MCF2: variants seen among roughly 807,000 people sequenced by gnomAD.
The protein encoded by MCF2 is proto-oncogene DBL.
Under a neutral mutation model 82.5 loss-of-function variants are expected in MCF2, and 44 were observed. The observed-to-expected ratio is 0.53, with a 90% CI of 0.42 to 0.69. The LOEUF (loss-of-function observed/expected upper bound fraction) is 0.69, where lower values mean the gene tolerates loss of function less well. MCF2 is among the 30% of genes least tolerant of loss of function. The pLI is 0.00. For synonymous variants in MCF2, 217 were observed against 224.9 expected (o/e 0.96, Z 0.32); for missense variants, 623 against 663.1 (o/e 0.94, Z 0.66).
At chrX:139,602,335 G>A (rs1429450413) in intron 16 of MCF2, 71 bp downstream of exon 20, 3 of 845,387 alleles carry the variant, frequency 3.5e-6, no homozygotes, top group Non-Finnish European at 5.2e-6. Context: ...AGTAGAAAAT[G>A]AATTTATAAT....
At chrX:139,623,563 G>A (rs1002997356) in intron 6 of MCF2, among the ~76,000 whole-genome samples, 1 of 111,184 alleles carries the variant, frequency 9.0e-6, no homozygotes, top group African/African-American at 3.3e-5. Context: ...AATAAATGCT[G>A]GAGACTACCA....
chrX:139,611,069 A>T (rs1423805532), intron 10 of MCF2, among the ~76,000 whole-genome samples: 1 of 112,305 alleles, frequency 8.9e-6, no homozygotes, highest in Admixed American at 9.4e-5. Context: ...CAAGGAATCC[A>T]GACGTTCCTA....
upstream of MCF2, chrX:139,645,698 A>G: frequency 1.2e-6 from 1 of 807,682 alleles, no homozygotes; most frequent in Non-Finnish European, 1.8e-6. Context: ...TCTTAATAAT[A>G]ATGCAAATTT....
At chrX:139,663,581 T>G (rs942206579) in intron 1 of MCF2, among the ~76,000 whole-genome samples, 86 of 109,489 alleles carry the variant, frequency 7.9e-4, no homozygotes, top group Admixed American at 1.4e-3. Flanking sequence ...GCTTTGTTTT[T>G]TTTTTTTTTT....
exon 18 of MCF2, chrX:139,597,488 A>C: frequency 1.7e-6 from 2 of 1,200,990 alleles, no homozygotes; most frequent in Non-Finnish European, 2.3e-6. Flanking sequence ...AATCTGATGC[A>C]TAGAATCATT....
At chrX:139,641,654 A>G (rs1457245922) in intron 1 of MCF2, among the ~76,000 whole-genome samples, 2 of 111,454 alleles carry the variant, frequency 1.8e-5, no homozygotes, top group Non-Finnish European at 3.8e-5. Flanking sequence ...ACATTATATT[A>G]ATCTTTGAAA....
intron 1 of MCF2, among the ~76,000 whole-genome samples, chrX:139,670,394 T>C (rs1048420723): frequency 1.8e-5 from 2 of 111,211 alleles, no homozygotes; most frequent in Admixed American, 1.9e-4. Flanking sequence ...ACATGTGCCA[T>C]GTTGGTTTGC....
upstream of MCF2, among the ~76,000 whole-genome samples, chrX:139,647,105 AAAAG>A (rs770530356): frequency 8.9e-6 from 1 of 112,329 alleles, no homozygotes; most frequent in African/African-American, 3.2e-5. Flanking sequence ...TAAAAAAAGA[AAAAG>A]AAAGAGAGTA....
chrX:139,682,325 G>C (rs1022625981), intron 1 of MCF2, among the ~76,000 whole-genome samples: 4 of 111,906 alleles, frequency 3.6e-5, no homozygotes, highest in Non-Finnish European at 7.5e-5. Context: ...ATTCAGTAGA[G>C]ATGGCAGGTT....
At chrX:139,646,670 T>TAA, upstream of MCF2, 1 of 376,236 alleles carries the variant, frequency 2.7e-6, no homozygotes, top group Non-Finnish European at 4.6e-6. Flanking sequence ...ACTCTGAAGT[T>TAA]AAGTCAGTTG....
intron 2 of MCF2, among the ~76,000 whole-genome samples, chrX:139,649,557 C>G (rs1236267040): frequency 9.0e-6 from 1 of 111,669 alleles, no homozygotes; most frequent in Non-Finnish European, 1.9e-5. Flanking sequence ...GGAAAGGTGG[C>G]AAGGCTCCTA....
intron 4 of MCF2, 89 bp downstream of exon 7, chrX:139,629,606 T>C: frequency 2.4e-6 from 2 of 839,295 alleles, no homozygotes; most frequent in Non-Finnish European, 1.7e-6. Flanking sequence ...TCTCCCCTTA[T>C]GCAACAGTCA....
intron 1 of MCF2, among the ~76,000 whole-genome samples, chrX:139,660,806 C>T (rs191412794): frequency 1.2e-4 from 13 of 111,879 alleles, no homozygotes; most frequent in African/African-American, 3.9e-4. Context: ...CTACTGGAGC[C>T]GCCTTCCAAT....
intron 11 of MCF2, among the ~76,000 whole-genome samples, chrX:139,609,151 G>T (rs1931293333): frequency 8.9e-6 from 1 of 112,139 alleles, no homozygotes; most frequent in Non-Finnish European, 1.9e-5. Context: ...GGGATTATAA[G>T]CCAGGCAGCC....
intron 1 of MCF2, among the ~76,000 whole-genome samples, chrX:139,685,122 C>T (rs896619565): frequency 4.5e-5 from 5 of 111,008 alleles, no homozygotes; most frequent in Non-Finnish European, 9.4e-5. Context: ...CTTATCACTC[C>T]TATTCAACAT....
chrX:139,597,387 G>C, intron 18 of MCF2, 73 bp downstream of exon 22: 2 of 771,372 alleles, frequency 2.6e-6, no homozygotes, highest in Non-Finnish European at 3.9e-6. Context: ...TTTCTCAATT[G>C]GTTCCAGGAG....
rs750711007 is a variant in MCF2, at chrX:139,660,835, C to A, written c.-44-9047G>T. Among the ~76,000 whole-genome samples, 10 of 112,079 alleles carry A rather than the reference C, an allele frequency of 8.9e-5. No individual in the cohort carries two copies. The East Asian group carries it at 2.2e-3, about 25-fold the overall frequency. On this transcript the variant is annotated intron_variant, in intron 1 of 27. Transcript: ENST00000414978. ...TTCCAATCCATTGTGTAATTCAATT[C>A]AGCAAATATCCACTGGATTCTCATT...
chrX:139,584,551 C>T (rs1427482767), intron 24 of MCF2, among the ~76,000 whole-genome samples: 1 of 111,694 alleles, frequency 9.0e-6, no homozygotes, highest in Non-Finnish European at 1.9e-5. Context: ...TTAAAGCAAC[C>T]TCCTTTAATT....
chrX:139,601,688 T>G (rs966716336), intron 16 of MCF2, among the ~76,000 whole-genome samples: 7 of 110,639 alleles, frequency 6.3e-5, no homozygotes, highest in Non-Finnish European at 1.1e-4. Context: ...AATAGACAGG[T>G]GAGGAGAATT....
Sources: allele counts gnomAD v4.1 joint callset (sites outside exome capture counted in the v4.1 genomes callset), GRCh38; gene constraint gnomAD v4.1.1; transcripts MANE v1.5; gene names NCBI Gene and HGNC (gene_info 2026-07-23, HGNC 2026-07-21).